Variants in OR10H1 observed in about 807,000 individuals in gnomAD.
The protein encoded by OR10H1 is olfactory receptor family 10 subfamily H member 1, also known as olfactory receptor 10H1.
Under a neutral mutation model 13.1 loss-of-function variants are expected in OR10H1, and 12 were observed. The observed-to-expected ratio is 0.92, with a 90% confidence interval of 0.59 to 1.48. The LOEUF is 1.48. OR10H1 is among the 40% of genes most tolerant of loss of function. OR10H1 has a pLI of 0.00. For synonymous variants in OR10H1, 168 were observed against 175.6 expected, an observed-to-expected ratio of 0.96 and a Z score of 0.34; for missense variants, 363 against 413.1, an observed-to-expected ratio of 0.88 and a Z score of 1.05.
In OR10H1 at chr19:15,806,624, T is replaced by C. The variant is rs1454386587; in HGVS notation, c.*457A>G. Reference sequence around the variant, plus strand: ...AGTCTTGCTATGTTGTCAAGTCTAGTCTTGAACTCCTGGCCTCAAGCAATC... The same window carrying C: ...AGTCTTGCTATGTTGTCAAGTCTAGCCTTGAACTCCTGGCCTCAAGCAATC... On this transcript the variant is annotated 3_prime_UTR_variant, in exon 4 of 4. Transcript: ENST00000641419. 6.1e-6 allele frequency: 1 copy of C among 164,366 alleles called. No individual in the cohort carries two copies. Among genetic ancestry groups the C allele is most frequent in the Admixed American group, 5.7e-5 (1 of 17,524 alleles). The allele number at this position is 164,366 out of a possible 1,614,324, so 10.2% of individuals were successfully genotyped here.
chr19:15,809,396 T>A (rs954790030), intron 2 of OR10H1, among the ~76,000 whole-genome samples: 4 of 152,088 alleles, frequency 2.6e-5, no homozygotes, highest in Admixed American at 2.6e-4. Flanking sequence ...ATTCAAGCAA[T>A]CTTCCTACCT....
chr19:15,811,854 T>C (rs1438328741), intron 2 of OR10H1, among the ~76,000 whole-genome samples: 2 of 152,192 alleles, frequency 1.3e-5, no homozygotes, highest in African/African-American at 4.8e-5. Context: ...TTTGTTATGA[T>C]GTTTGCCGTG....
At chr19:15,811,651 T>G (rs185134698) in intron 2 of OR10H1, among the ~76,000 whole-genome samples, 1 of 152,244 alleles carries the variant, frequency 6.6e-6, no homozygotes, top group East Asian at 1.9e-4. Context: ...AAACCCCTGT[T>G]TGTTGTTAAG....
Position 15,808,859 on chromosome 19 carries a change from A to AATAAAT in OR10H1, c.-128-19_-128-18insATTTAT, listed in dbSNP as rs1568453685. On this transcript the variant is annotated intron_variant, in intron 2 of 3. Transcript: ENST00000641419. Reference sequence around the variant, plus strand: ...GCGAGTCTCTGTCTCAAAAAAAAAAAAAATAAATAAATAAAAAGAAGAAGA... The same window carrying AATAAAT: ...GCGAGTCTCTGTCTCAAAAAAAAAAAATAAATAAATAAATAAATAAAAAGAAGAAGA... 1 of 151,668 alleles carries AATAAAT rather than the reference A, an allele frequency of 6.6e-6. No individual in the cohort carries two copies. Among genetic ancestry groups the AATAAAT allele is most frequent in the Non-Finnish European group, 1.5e-5 (1 of 67,908 alleles). The allele number at this position is 151,668 out of a possible 1,614,324, so 9.4% of individuals were successfully genotyped here.
rs1859299 is a variant in OR10H1 at position 15,807,624 on chromosome 19, C to T, written c.414G>A (p.Pro138=). The T allele has an allele frequency of 6.1e-5, 99 of 1,614,154 alleles. No individual in the cohort carries two copies. The highest frequency in any genetic ancestry group is 5.6e-4 in the African/African-American group (42 of 75,050). ...HPLRYNVLMS[P]RGCACLVGCS... is the part of the protein sequence containing the mutation. ...AGCCCACCAGGCAGGCGCAGCCCCG[C>T]GGGCTCATGAGCACGTTGTAGCGCA... Residue 138 remains proline, a synonymous_variant, in exon 4 of 4, where the codon CCG becomes CCA. Transcript: ENST00000641419.
intron 3 of OR10H1, among the ~76,000 whole-genome samples, chr19:15,808,440 C>A (rs2088915594): frequency 6.6e-6 from 1 of 152,122 alleles, no homozygotes; most frequent in Admixed American, 6.5e-5. Flanking sequence ...GTAATCCCAG[C>A]ACTTTGGAGG....
intron 3 of OR10H1, 191 bp from the exon 4 acceptor site, chr19:15,808,239 A>G (rs2088914521): frequency 3.4e-6 from 2 of 590,294 alleles, no homozygotes; most frequent in African/African-American, 1.9e-5. Flanking sequence ...CCCCCTTTTG[A>G]AGTACCTTGA....
chr19:15,814,320 C>A (rs949275054), intron 1 of OR10H1, among the ~76,000 whole-genome samples: 2 of 152,114 alleles, frequency 1.3e-5, no homozygotes, highest in African/African-American at 4.8e-5. Flanking sequence ...GCTCTCTCTT[C>A]TTAGTGAAGC....
At position 15,806,102 on chromosome 19, in the gene OR10H1, G is replaced by A. The variant is rs1429496109; in HGVS notation, c.*979C>T. On this transcript the variant is annotated 3_prime_UTR_variant, in exon 4 of 4. Coordinates refer to ENST00000641419, the MANE Select transcript of OR10H1 (RefSeq NM_013940.4). The stretch of plus-strand genomic sequence containing the variant: ...CTACCTGGTGCGGCACTCATAGAGA[G>A]TGGGGCATGAAATCTTCCCTCTCTC... The A allele has an allele frequency of 6.6e-6, 1 of 152,186 alleles. No homozygotes were observed. The highest frequency in any genetic ancestry group is 6.6e-5 in the Admixed American group (1 of 15,266). The allele number at this position is 152,186 out of a possible 1,614,324, so 9.4% of individuals were successfully genotyped here.
rs952806040 is a variant in OR10H1 at position 15,807,009 on chromosome 19, G to C, written c.*72C>G. 1.4e-6 allele frequency: 2 copies of C among 1,407,920 alleles called. No homozygotes were observed. Among genetic ancestry groups the C allele is most frequent in the Non-Finnish European group, 9.8e-7 (1 of 1,019,286 alleles). The allele number at this position is 1,407,920 out of a possible 1,614,324, so 87.2% of individuals were successfully genotyped here. ...CCCAAAGTGCTGGGATTACAGGCATGAGTCACCACGGAACGTAATTTTTAA... is the reference window on the plus strand; with the variant it reads ...CCCAAAGTGCTGGGATTACAGGCATCAGTCACCACGGAACGTAATTTTTAA... On this transcript the variant is annotated 3_prime_UTR_variant, in exon 4 of 4. Transcript: ENST00000641419.
chr19:15,806,539 G>T lies in OR10H1; in HGVS notation c.*542C>A, dbSNP rs1185898479. 2 of 154,810 alleles carry T rather than the reference G, an allele frequency of 1.3e-5. No individual in the cohort carries two copies. Among genetic ancestry groups the T allele is most frequent in the Non-Finnish European group, 2.9e-5 (2 of 69,922 alleles). The allele number at this position is 154,810 out of a possible 1,614,324, so 9.6% of individuals were successfully genotyped here. ...TCCCAGTTCAGTCTCCCAGGTAGCT[G>T]GGACTACAGGCATGTACCACCATGC... is the stretch of plus-strand genomic sequence containing the variant. On this transcript the variant is annotated 3_prime_UTR_variant, in exon 4 of 4. Transcript: ENST00000641419.
chr19:15,810,208 T>A (rs1300505186), intron 2 of OR10H1, among the ~76,000 whole-genome samples: 1 of 147,054 alleles, frequency 6.8e-6, no homozygotes, highest in Non-Finnish European at 1.5e-5. Flanking sequence ...GTTAGGAGAA[T>A]CGCTTGATCT....
rs527335037 is a variant in OR10H1 at position 15,806,553 on chromosome 19, G to A, written c.*528C>T. The A allele has an allele frequency of 3.3e-4, 52 of 156,932 alleles. No individual in the cohort carries two copies. The highest frequency in any genetic ancestry group is 6.3e-4 in the Non-Finnish European group (45 of 71,196). The allele number at this position is 156,932 out of a possible 1,614,324, so 9.7% of individuals were successfully genotyped here. A position where few individuals can be genotyped will look rare whatever the true frequency, so the allele number is the denominator to read the frequency against. On this transcript the variant is annotated 3_prime_UTR_variant, in exon 4 of 4. Transcript: ENST00000641419. ...CCCAGGTAGCTGGGACTACAGGCAT[G>A]TACCACCATGCCAAGCTATTTTTTT...
chr19:15,808,677 C>G (rs1398111042), intron 3 of OR10H1, 48 bp downstream of exon 3: 1 of 152,330 alleles, frequency 6.6e-6, no homozygotes, highest in Non-Finnish European at 1.5e-5. Flanking sequence ...TGGTGAAACC[C>G]CATCTCTACT....
chr19:15,814,382 C>T (rs1486133777), intron 1 of OR10H1, among the ~76,000 whole-genome samples: 1 of 151,496 alleles, frequency 6.6e-6, no homozygotes, highest in Non-Finnish European at 1.5e-5. Flanking sequence ...TCTCTTTTCT[C>T]TCCATCTTCT....
chr19:15,805,384 A>G lies in OR10H1; in HGVS notation c.*1697T>C, dbSNP rs2088889920. 1 of 151,914 alleles carries G rather than the reference A, an allele frequency of 6.6e-6. No homozygotes were observed. Among genetic ancestry groups the G allele is most frequent in the African/African-American group, 2.4e-5 (1 of 41,362 alleles). 9.4% of individuals were successfully genotyped at this position (151,914 alleles called of 1,614,324 possible). ...TTGTCAATAAATATATAAATACTAT[A>G]CAGTAGGGTCAATCTTAAATCCCTG... On this transcript the variant is annotated 3_prime_UTR_variant, in exon 4 of 4. Coordinates refer to ENST00000641419, the MANE Select transcript of OR10H1 (RefSeq NM_013940.4).
At chr19:15,814,472 TGTGTGTGTGAGAGAGAGA>T (rs1163185148) in intron 1 of OR10H1, among the ~76,000 whole-genome samples, 261 of 48,526 alleles carry the variant, frequency 5.4e-3, no homozygotes, top group African/African-American at 8.1e-3. Flanking sequence ...TGTGTGTGTG[TGTGTGTGTGAGAGAGAGA>T]GAGAGAGAGA....
chr19:15,815,340 C>CAAA (rs10648172), intron 1 of OR10H1, among the ~76,000 whole-genome samples: 24 of 115,826 alleles, frequency 2.1e-4, no homozygotes, highest in African/African-American at 7.7e-4. Context: ...GATTCCGTCT[C>CAAA]AAAAAAAAAA....
Position 15,808,859 on chromosome 19 carries a change from A to T in OR10H1, c.-128-18T>A, listed in dbSNP as rs2365545. ...GCGAGTCTCTGTCTCAAAAAAAAAA[A>T]AAATAAATAAATAAAAAGAAGAAGA... On this transcript the variant is annotated intron_variant, in intron 2 of 3. Transcript: ENST00000641419. 0.9 allele frequency: 136,015 copies of T among 151,754 alleles called. 61,073 individuals are homozygous for T. The highest frequency in any genetic ancestry group is 1 in the East Asian group (5,162 of 5,180). 9.4% of individuals were successfully genotyped at this position (151,754 alleles called of 1,614,324 possible).
Sources: allele counts gnomAD v4.1 joint callset (sites outside exome capture counted in the v4.1 genomes callset), GRCh38; gene constraint gnomAD v4.1.1; transcripts MANE v1.5; gene names NCBI Gene and HGNC (gene_info 2026-07-23, HGNC 2026-07-21).